Variants in MAPK10 observed in about 807,000 individuals in gnomAD.
MAPK10 encodes the protein mitogen-activated protein kinase 10, also known as JNK3 alpha protein kinase.
MAPK10 carries 25 observed loss-of-function variants against 59.3 expected under a neutral mutation model. The ratio of observed to expected loss-of-function variants is 0.42; its 90% CI spans 0.31 to 0.59. The LOEUF is 0.59. MAPK10 is among the 20% of genes least tolerant of loss of function. The pLI is 0.15. For missense variants in MAPK10, 351 were observed against 568.9 expected (o/e 0.62, Z 3.90); for synonymous variants, 190 against 200.5 (o/e 0.95, Z 0.44).
At chr4:86,170,121 G>C (rs140532332) in intron 3 of MAPK10, among the ~76,000 whole-genome samples, 2,348 of 151,942 alleles carry the variant, frequency 0.015, 40 homozygotes, top group Non-Finnish European at 0.022. Context: ...AAAATGTAAA[G>C]ACCATCGAGA....
intron 9 of MAPK10, among the ~76,000 whole-genome samples, chr4:86,075,873 T>A (rs1214954466): frequency 6.6e-6 from 1 of 152,120 alleles, no homozygotes; most frequent in Non-Finnish European, 1.5e-5. Flanking sequence ...CCCCCAGAGG[T>A]GGGGCCTACA....
intron 9 of MAPK10, among the ~76,000 whole-genome samples, chr4:86,078,477 T>C (rs980231800): frequency 6.6e-6 from 1 of 152,172 alleles, no homozygotes; most frequent in Non-Finnish European, 1.5e-5. Flanking sequence ...TGAAATTGTA[T>C]GCTGCTATTA....
At chr4:86,407,647 G>A (rs1744527743) in intron 1 of MAPK10, among the ~76,000 whole-genome samples, 1 of 149,350 alleles carries the variant, frequency 6.7e-6, no homozygotes, top group South Asian at 2.2e-4. Context: ...CACATAGTAG[G>A]CACTCAATGT....
chr4:86,244,261 A>G (rs1300703965), intron 2 of MAPK10, among the ~76,000 whole-genome samples: 1 of 149,424 alleles, frequency 6.7e-6, no homozygotes, highest in Non-Finnish European at 1.5e-5. Context: ...AAAACACTCA[A>G]AAAAAATCAA....
At chr4:86,052,865 T>C (rs1360929162) in intron 11 of MAPK10, among the ~76,000 whole-genome samples, 1 of 152,102 alleles carries the variant, frequency 6.6e-6, no homozygotes, top group Non-Finnish European at 1.5e-5. Flanking sequence ...TTTGTATCTT[T>C]AGTAGAGACG....
At chr4:86,138,780 G>C (rs1370041073) in intron 4 of MAPK10, among the ~76,000 whole-genome samples, 1 of 151,978 alleles carries the variant, frequency 6.6e-6, no homozygotes, top group Non-Finnish European at 1.5e-5. Context: ...TGTATATCTA[G>C]AAAACCCCAT....
intron 1 of MAPK10, among the ~76,000 whole-genome samples, chr4:86,522,504 A>G (rs1196538799): frequency 6.6e-6 from 1 of 152,132 alleles, no homozygotes; most frequent in East Asian, 1.9e-4. Flanking sequence ...TTTATGATTA[A>G]TAGTGCATTT....
chr4:86,275,115 T>C (rs919943366), intron 2 of MAPK10, among the ~76,000 whole-genome samples: 1 of 152,062 alleles, frequency 6.6e-6, no homozygotes, highest in African/African-American at 2.4e-5. Context: ...TGTGCAGTCA[T>C]TAAATGTGTA....
chr4:86,324,423 TA>T (rs538799675), intron 2 of MAPK10, among the ~76,000 whole-genome samples: 2,384 of 136,988 alleles, frequency 0.017, 13 homozygotes, highest in Middle Eastern at 0.022. Context: ...CTCAAAAAAA[TA>T]AAAAAAAAAA....
rs1170617270 is a variant in MAPK10, at chr4:86,359,302, G to C, written c.-122+356C>G. On this transcript the variant is annotated intron_variant, in intron 1 of 13. Transcript: ENST00000641462. Reference sequence around the variant, plus strand: ...TCTCTCTCTCTCTGTGTGTGTGTGTGTGTGTGTGTGTGTGTGTGTGTGTGT... The same window carrying C: ...TCTCTCTCTCTCTGTGTGTGTGTGTCTGTGTGTGTGTGTGTGTGTGTGTGT... Among the ~76,000 whole-genome samples the C allele has an allele frequency of 7.8e-3, 756 of 96,558 alleles. 7 individuals are homozygous for C. Among genetic ancestry groups the C allele is most frequent in the South Asian group, 0.017 (37 of 2,240 alleles). The allele number at this position is 96,558 out of a possible 152,430, so 63.3% of individuals were successfully genotyped here.
At chr4:86,374,027 T>C (rs936590446) in intron 1 of MAPK10, among the ~76,000 whole-genome samples, 1 of 151,952 alleles carries the variant, frequency 6.6e-6, no homozygotes, top group Non-Finnish European at 1.5e-5. Context: ...AATAACAGAC[T>C]GGATAAAGAA....
At chr4:86,072,130 A>C (rs1157291694) in intron 9 of MAPK10, among the ~76,000 whole-genome samples, 1 of 150,278 alleles carries the variant, frequency 6.7e-6, no homozygotes. Context: ...TTGGATTCCT[A>C]GGTCTTTTAT....
intron 1 of MAPK10, among the ~76,000 whole-genome samples, chr4:86,472,976 T>C (rs541816314): frequency 6.6e-6 from 1 of 152,324 alleles, no homozygotes; most frequent in African/African-American, 2.4e-5. Flanking sequence ...TACTTTCATT[T>C]TCAATAGAAC....
chr4:86,366,051 C>T lies in MAPK10; in HGVS notation c.-121-11407G>A, dbSNP rs185647849. 2.2e-3 allele frequency among the ~76,000 whole-genome samples: 341 copies of T among 152,234 alleles called. 1 individual carries two copies. The highest frequency in any genetic ancestry group is 8.0e-3 in the African/African-American group (333 of 41,546). ...ATCTTCCTTACCTTATAAATACAAA[C>T]TTTAGAACATTACATTTTCAGAATA... is the stretch of plus-strand genomic sequence containing the variant. On this transcript the variant is annotated intron_variant, in intron 1 of 13. Coordinates refer to the MAPK10 transcript ENST00000361569.
intron 1 of MAPK10, among the ~76,000 whole-genome samples, chr4:86,452,642 G>T (rs143784372): frequency 1.3e-5 from 2 of 152,120 alleles, no homozygotes; most frequent in South Asian, 4.1e-4. Flanking sequence ...GCAAGGGACC[G>T]AGTCAGAGAT....
chr4:86,142,146 C>G (rs574546736), intron 4 of MAPK10, among the ~76,000 whole-genome samples: 1 of 152,284 alleles, frequency 6.6e-6, no homozygotes, highest in South Asian at 2.1e-4. Context: ...TCCCACTAGG[C>G]CCCACATCCC....
At chr4:86,446,184 G>A (rs980369016) in intron 1 of MAPK10, among the ~76,000 whole-genome samples, 1 of 152,120 alleles carries the variant, frequency 6.6e-6, no homozygotes, top group Non-Finnish European at 1.5e-5. Context: ...CTGTGAAGCA[G>A]TATAGCTCAC....
intron 2 of MAPK10, chr4:86,326,625 A>G (rs919505967): frequency 6.6e-6 from 1 of 152,238 alleles, no homozygotes; most frequent in Non-Finnish European, 1.5e-5. Flanking sequence ...ATCTGTAGTC[A>G]GGTTACACTA....
At chr4:86,136,433 C>G (rs1264354360) in intron 4 of MAPK10, among the ~76,000 whole-genome samples, 1 of 151,878 alleles carries the variant, frequency 6.6e-6, no homozygotes, top group Admixed American at 6.6e-5. Flanking sequence ...TCCAGCCAAA[C>G]TAAGCTTCAT....
Sources: allele counts gnomAD v4.1 joint callset (sites outside exome capture counted in the v4.1 genomes callset), GRCh38; gene constraint gnomAD v4.1.1; transcripts MANE v1.5; gene names NCBI Gene and HGNC (gene_info 2026-07-23, HGNC 2026-07-21).